The following CLDN14 variants were observed in gnomAD, a reference collection of about 807,000 sequenced individuals.
CLDN14 encodes the protein claudin 14, also known as claudin-14.
In CLDN14, 2 loss-of-function variants were observed where a neutral mutation model predicts 2.1. That is an observed-to-expected ratio of 0.96 (90% CI 0.39 to 3.01). The LOEUF (loss-of-function observed/expected upper bound fraction) is 3.01. Among genes scored for constraint, CLDN14 ranks in the 30% most tolerant of loss-of-function variants. The probability of loss-of-function intolerance (pLI) is 0.09; values close to 1 mark genes in which losing one functional copy is unlikely to be tolerated. For synonymous variants in CLDN14, 136 were observed against 154.4 expected (o/e 0.88, Z 0.88); for missense variants, 298 against 328.0 (o/e 0.91, Z 0.71).
intron 1 of CLDN14, among the ~76,000 whole-genome samples, chr21:36,537,796 C>T (rs1013587481): frequency 2.6e-5 from 4 of 152,102 alleles, no homozygotes; most frequent in Admixed American, 6.5e-5. Flanking sequence ...GTTACAGGTG[C>T]GTGCCTCCAC....
intron 2 of CLDN14, chr21:36,486,852 G>A: frequency 1.4e-6 from 1 of 724,938 alleles, no homozygotes; most frequent in South Asian, 1.4e-5. Context: ...AGGTGATCTT[G>A]CCCTTGGGTT....
chr21:36,567,192 T>C (rs540496179), intron 1 of CLDN14, among the ~76,000 whole-genome samples: 61 of 152,340 alleles, frequency 4.0e-4, no homozygotes, highest in Middle Eastern at 6.8e-3. Flanking sequence ...ACGTTGGAGC[T>C]TTGAGGGCAT....
intron 1 of CLDN14, among the ~76,000 whole-genome samples, chr21:36,518,071 TACGTACAC>T (rs2087241533): frequency 1.5e-5 from 1 of 68,172 alleles, no homozygotes; most frequent in Non-Finnish European, 3.2e-5. Flanking sequence ...TCCACTTACA[TACGTACAC>T]ACACACACAC....
At chr21:36,550,760 T>C (rs364916) in intron 1 of CLDN14, among the ~76,000 whole-genome samples, 111,954 of 151,678 alleles carry the variant, frequency 0.74, 42,704 homozygotes, top group Non-Finnish European at 0.85. Flanking sequence ...CTGCTCACTG[T>C]CTAATGCCGG....
chr21:36,489,411 G>A (rs2086938609), intron 2 of CLDN14, among the ~76,000 whole-genome samples: 1 of 152,052 alleles, frequency 6.6e-6, no homozygotes, highest in African/African-American at 2.4e-5. Context: ...GGCAAATCTT[G>A]ATCCATGCCC....
chr21:36,563,365 T>C (rs2087650912), intron 1 of CLDN14, among the ~76,000 whole-genome samples: 1 of 152,148 alleles, frequency 6.6e-6, no homozygotes, highest in African/African-American at 2.4e-5. Context: ...TTGGCCTGGT[T>C]TCCTTACCGT....
chr21:36,524,214 G>A (rs547832084), intron 1 of CLDN14, among the ~76,000 whole-genome samples: 7 of 152,018 alleles, frequency 4.6e-5, no homozygotes, highest in African/African-American at 7.2e-5. Context: ...TTGACCTCCC[G>A]GGCTCCAGCG....
chr21:36,481,581 T>C (rs1232732567), upstream of CLDN14, among the ~76,000 whole-genome samples: 1 of 152,246 alleles, frequency 6.6e-6, no homozygotes, highest in Non-Finnish European at 1.5e-5. Flanking sequence ...AATATTATGA[T>C]AGTTTTTAGG....
At chr21:36,549,624 C>T (rs1441101330) in intron 1 of CLDN14, among the ~76,000 whole-genome samples, 2 of 152,226 alleles carry the variant, frequency 1.3e-5, no homozygotes, top group African/African-American at 2.4e-5. Flanking sequence ...GCCACAGGCT[C>T]AGCCAGAGAG....
rs149190476 is a variant in CLDN14, at chr21:36,556,158, G to A, written c.-220+20253C>T. Among the ~76,000 whole-genome samples the A allele has an allele frequency of 2.3e-3, 351 of 152,282 alleles. 1 individual carries two copies. Among genetic ancestry groups the A allele is most frequent in the Non-Finnish European group, 4.0e-3 (269 of 68,020 alleles). On this transcript the variant is annotated intron_variant, in intron 1 of 2. Transcript: ENST00000342108. ...GGACCCTTTCTTCTTCCAGTTTGCA[G>A]TTTGTAGAGCAAAGGGACTTAGGGA...
Position 36,551,345 on chromosome 21 carries a change from T to G in CLDN14, c.-220+25066A>C, listed in dbSNP as rs1383225229. 2.0e-5 allele frequency among the ~76,000 whole-genome samples: 3 copies of G among 152,226 alleles called. No homozygotes were observed. Among genetic ancestry groups the G allele is most frequent in the African/African-American group, 7.2e-5 (3 of 41,456 alleles). ...GTTCCCTGCGGACAGGATTTATTCCTGGAGCCTCTGCCTCCCGTAAGCTGG... is the reference window on the plus strand; with the variant it reads ...GTTCCCTGCGGACAGGATTTATTCCGGGAGCCTCTGCCTCCCGTAAGCTGG... On this transcript the variant is annotated intron_variant, in intron 1 of 2. Transcript: ENST00000342108. This position sits in a 1 kb window ranked among gnomAD's most constrained non-coding sequence, Gnocchi z 4.8.
Position 36,544,857 on chromosome 21 carries a change from C to T in CLDN14, c.-220+31554G>A, listed in dbSNP as rs2146513393. Among the ~76,000 whole-genome samples the T allele has an allele frequency of 6.6e-6, 1 of 152,294 alleles. No homozygotes were observed. The highest frequency in any genetic ancestry group is 1.9e-4 in the East Asian group (1 of 5,192). ...ATTAGGACGACAAATTTACTAATTG[C>T]TGAAAGTAACTTAATAACAAAACCA... On this transcript the variant is annotated intron_variant, in intron 1 of 2. Coordinates refer to the CLDN14 transcript ENST00000342108. This position sits in a 1 kb window ranked among gnomAD's most constrained non-coding sequence, Gnocchi z 4.1.
At chr21:36,482,249 T>A (rs957609822), upstream of CLDN14, among the ~76,000 whole-genome samples, 1 of 152,196 alleles carries the variant, frequency 6.6e-6, no homozygotes. Flanking sequence ...TTCCTAACAC[T>A]GCTAAAATCA....
intron 1 of CLDN14, among the ~76,000 whole-genome samples, chr21:36,537,377 A>G (rs920108197): frequency 6.6e-6 from 1 of 152,216 alleles, no homozygotes; most frequent in Non-Finnish European, 1.5e-5. Flanking sequence ...AACAATGAAC[A>G]TACTGATCTT....
intron 1 of CLDN14, among the ~76,000 whole-genome samples, chr21:36,519,319 A>G (rs1375908202): frequency 6.6e-6 from 1 of 152,240 alleles, no homozygotes; most frequent in Non-Finnish European, 1.5e-5. Context: ...TACTGCAACA[A>G]AAACCAATTG....
At chr21:36,572,311 A>C (rs1248638339) in intron 1 of CLDN14, among the ~76,000 whole-genome samples, 2 of 151,954 alleles carry the variant, frequency 1.3e-5, no homozygotes, top group African/African-American at 4.8e-5. Context: ...AAACAGGAAG[A>C]CCCCAAGGGT....
At chr21:36,568,284 C>T (rs796466203) in intron 1 of CLDN14, among the ~76,000 whole-genome samples, 25 of 152,346 alleles carry the variant, frequency 1.6e-4, no homozygotes, top group African/African-American at 5.5e-4. Flanking sequence ...CTGCTCAGAA[C>T]TTCCTTCAAG....
chr21:36,496,320 C>T (rs755372995), intron 2 of CLDN14, among the ~76,000 whole-genome samples: 3 of 151,372 alleles, frequency 2.0e-5, no homozygotes, highest in Non-Finnish European at 1.5e-5. Context: ...ACCTGTGGTC[C>T]GAGGTACTTG....
At chr21:36,487,265 G>C (rs1179583221) in intron 2 of CLDN14, 1 of 215,026 alleles carries the variant, frequency 4.7e-6, no homozygotes, top group Non-Finnish European at 9.4e-6. Context: ...TTACAGGCGT[G>C]AACCACTGCG....
Sources: gnomAD v4.1 joint callset for allele counts (sites outside exome capture counted in the v4.1 genomes callset) on GRCh38, gnomAD v4.1.1 for gene constraint, Gnocchi (gnomAD v3.1) non-coding constraint, MANE v1.5 for transcripts, NCBI Gene and HGNC (gene_info 2026-07-23, HGNC 2026-07-21) for gene names.